Variants in SLC25A48 observed in about 807,000 individuals in gnomAD.
SLC25A48 encodes the protein CTC-321K16.1.
Under a neutral mutation model 32.2 loss-of-function variants are expected in SLC25A48, and 29 were observed. That is an observed-to-expected ratio of 0.90 (90% CI 0.67 to 1.23). The LOEUF is 1.23. SLC25A48 is among the 50% of genes most tolerant of loss of function. The probability of loss-of-function intolerance (pLI) is 0.00; values close to 1 mark genes in which losing one functional copy is unlikely to be tolerated. For missense variants in SLC25A48, 399 were observed against 422.7 expected, an observed-to-expected ratio of 0.94 and a Z score of 0.49; for synonymous variants, 164 against 172.3, an observed-to-expected ratio of 0.95 and a Z score of 0.38.
chr5:135,851,212 T>C (rs1209702256), intron 3 of SLC25A48, among the ~76,000 whole-genome samples: 1 of 152,194 alleles, frequency 6.6e-6, no homozygotes, highest in East Asian at 1.9e-4. Context: ...ACAAGTGTCC[T>C]GGGGCTCGGA....
chr5:135,642,506 C>A (rs1038324944), intron 3 of SLC25A48, among the ~76,000 whole-genome samples: 14 of 152,208 alleles, frequency 9.2e-5, no homozygotes, highest in Non-Finnish European at 1.8e-4. Context: ...CATGGTTCCC[C>A]AAAGAGCCGG....
chr5:135,806,262 A>G (rs1242416297), intron 3 of SLC25A48, among the ~76,000 whole-genome samples: 2 of 151,738 alleles, frequency 1.3e-5, no homozygotes, highest in Non-Finnish European at 3.0e-5. Context: ...ATGTACTCTG[A>G]TGTGGCTATA....
intron 4 of SLC25A48, among the ~76,000 whole-genome samples, chr5:135,822,381 G>T (rs1271458948): frequency 2.6e-5 from 4 of 152,154 alleles, no homozygotes; most frequent in Non-Finnish European, 5.9e-5. Context: ...AGTTCTGAAG[G>T]CCAAAATTTC....
intron 3 of SLC25A48, among the ~76,000 whole-genome samples, chr5:135,718,228 T>G (rs1452773057): frequency 6.6e-6 from 1 of 152,122 alleles, no homozygotes; most frequent in Non-Finnish European, 1.5e-5. Flanking sequence ...TGAGTCCCCT[T>G]GGCTCCCCAG....
intron 1 of SLC25A48, among the ~76,000 whole-genome samples, chr5:135,614,942 C>T (rs1456566038): frequency 6.6e-6 from 1 of 152,160 alleles, no homozygotes; most frequent in Non-Finnish European, 1.5e-5. Flanking sequence ...TCTCTTCCTC[C>T]TGCTTCAGCC....
chr5:135,752,605 G>C (rs918943591), intron 3 of SLC25A48, among the ~76,000 whole-genome samples: 1 of 151,948 alleles, frequency 6.6e-6, no homozygotes, highest in East Asian at 1.9e-4. Context: ...AATATCACAA[G>C]GTATACACAC....
chr5:135,864,735 AC>A (rs1268260135), intron 4 of SLC25A48, among the ~76,000 whole-genome samples: 5 of 152,270 alleles, frequency 3.3e-5, no homozygotes, highest in African/African-American at 1.2e-4. Flanking sequence ...CAGTTGTCCC[AC>A]ATAGTTACCA....
intron 4 of SLC25A48, among the ~76,000 whole-genome samples, chr5:135,856,794 T>G (rs1376969645): frequency 6.6e-6 from 1 of 152,228 alleles, no homozygotes; most frequent in Non-Finnish European, 1.5e-5. Flanking sequence ...TAAGCAAAGA[T>G]GTAGAGGAAT....
chr5:135,808,983 G>A (rs1174181235), intron 3 of SLC25A48, among the ~76,000 whole-genome samples: 1 of 152,122 alleles, frequency 6.6e-6, no homozygotes, highest in African/African-American at 2.4e-5. Flanking sequence ...CAGCCAAAGA[G>A]GGAGGAAAGT....
intron 3 of SLC25A48, among the ~76,000 whole-genome samples, chr5:135,771,629 AC>A (rs1756413593): frequency 6.6e-6 from 1 of 151,624 alleles, no homozygotes; most frequent in African/African-American, 2.4e-5. Flanking sequence ...CAGGGGGTGT[AC>A]ACTTCCCTAT....
intron 3 of SLC25A48, among the ~76,000 whole-genome samples, chr5:135,693,238 C>T (rs986472300): frequency 6.6e-6 from 1 of 152,184 alleles, no homozygotes; most frequent in Non-Finnish European, 1.5e-5. Flanking sequence ...GCATAGTCTA[C>T]TGTGGTAAAT....
chr5:135,869,295 T>C (rs1430991957), intron 4 of SLC25A48, among the ~76,000 whole-genome samples: 1 of 152,180 alleles, frequency 6.6e-6, no homozygotes, highest in Non-Finnish European at 1.5e-5. Flanking sequence ...GGAGTCACCA[T>C]GATAATTATA....
chr5:135,591,289 G>A (rs1223692749), intron 1 of SLC25A48, among the ~76,000 whole-genome samples: 1 of 152,262 alleles, frequency 6.6e-6, no homozygotes, highest in African/African-American at 2.4e-5. Flanking sequence ...CCAGAGCAGA[G>A]AAGGGACTTA....
chr5:135,656,679 T>C (rs992767142), intron 3 of SLC25A48, among the ~76,000 whole-genome samples: 1 of 152,036 alleles, frequency 6.6e-6, no homozygotes, highest in African/African-American at 2.4e-5. Context: ...TATCCTGGAG[T>C]ATGGCAGGCC....
chr5:135,819,194 A>T (rs1757816652), intron 4 of SLC25A48, among the ~76,000 whole-genome samples: 1 of 152,170 alleles, frequency 6.6e-6, no homozygotes, highest in Non-Finnish European at 1.5e-5. Context: ...AAAGCTTCCT[A>T]AATGTGGTGA....
intron 3 of SLC25A48, among the ~76,000 whole-genome samples, chr5:135,737,170 G>A (rs899863391): frequency 6.6e-5 from 10 of 152,044 alleles, no homozygotes; most frequent in African/African-American, 2.4e-4. Flanking sequence ...GGTGCAGGCA[G>A]GCTGATCCGA....
At chr5:135,624,783 T>C (rs1356416920) in intron 1 of SLC25A48, among the ~76,000 whole-genome samples, 1 of 152,238 alleles carries the variant, frequency 6.6e-6, no homozygotes, top group Non-Finnish European at 1.5e-5. Context: ...CTGGTGTGGC[T>C]GGCTTGGCAT....
At chr5:135,689,456 T>C (rs1754093362) in intron 3 of SLC25A48, among the ~76,000 whole-genome samples, 1 of 152,206 alleles carries the variant, frequency 6.6e-6, no homozygotes, top group Non-Finnish European at 1.5e-5. Flanking sequence ...GGTGACAGCA[T>C]ACATACATTG....
At chr5:135,642,983 G>C (rs1202185590) in intron 3 of SLC25A48, among the ~76,000 whole-genome samples, 1 of 152,198 alleles carries the variant, frequency 6.6e-6, no homozygotes, top group Non-Finnish European at 1.5e-5. Context: ...AAAGGACCCA[G>C]GCCAGTGGGA....
Sources: allele counts gnomAD v4.1 joint callset (sites outside exome capture counted in the v4.1 genomes callset), GRCh38; gene constraint gnomAD v4.1.1; transcripts MANE v1.5; gene names NCBI Gene and HGNC (gene_info 2026-07-23, HGNC 2026-07-21).